MIB1: variants seen among roughly 807,000 people sequenced by gnomAD.
MIB1 encodes E3 ubiquitin-protein ligase MIB1.
A neutral mutation model predicts 124.5 loss-of-function variants in MIB1; 278 were observed. The observed-to-expected ratio is 2.23, with a 90% CI of 2.02 to 2.47. The LOEUF is 2.47. Among genes scored for constraint, MIB1 ranks in the 30% most tolerant of loss-of-function variants. MIB1 has a pLI of 0.00. For synonymous variants in MIB1, 446 were observed against 429.4 expected, an observed-to-expected ratio of 1.04 and a Z score of -0.48; for missense variants, 957 against 1,254.4, an observed-to-expected ratio of 0.76 and a Z score of 3.58.
At chr18:21,799,481 A>G (rs1452455656) in intron 8 of MIB1, among the ~76,000 whole-genome samples, 1 of 152,088 alleles carries the variant, frequency 6.6e-6, no homozygotes, top group Non-Finnish European at 1.5e-5. Flanking sequence ...GAGTCACTGT[A>G]GTGTCCTTAA....
intron 13 of MIB1, among the ~76,000 whole-genome samples, chr18:21,840,402 C>G (rs1259270773): frequency 4.0e-5 from 6 of 151,402 alleles, no homozygotes; most frequent in Admixed American, 3.9e-4. Context: ...ATCCGTATAC[C>G]AAAAACAAAA....
chr18:21,783,002 C>A (rs2041388051), intron 6 of MIB1, among the ~76,000 whole-genome samples: 1 of 152,024 alleles, frequency 6.6e-6, no homozygotes, highest in East Asian at 1.9e-4. Flanking sequence ...CTGAATTGAC[C>A]ACTTTATTAT....
chr18:21,770,500 A>ATG (rs1395758510), intron 3 of MIB1, among the ~76,000 whole-genome samples: 1 of 152,030 alleles, frequency 6.6e-6, no homozygotes, highest in Non-Finnish European at 1.5e-5. Flanking sequence ...TCTAATATAT[A>ATG]TTAGAGATGG....
At position 21,804,020 on chromosome 18, in the gene MIB1, T is replaced by C. The variant is rs767584541; in HGVS notation, c.1479+6T>C. On this transcript the variant is annotated splice_donor_region_variant and intron_variant, in intron 10 of 20. Transcript: ENST00000261537. The stretch of plus-strand genomic sequence containing the variant: ...ACGTGGATGTCGAAGCAGAGGTAAG[T>C]AAACTTGAAAAATATTTTAAGTAAA... 1 of 1,588,402 alleles carries C rather than the reference T, an allele frequency of 6.3e-7. No individual in the cohort carries two copies. The highest frequency in any genetic ancestry group is 1.7e-5 in the Admixed American group (1 of 59,970).
At chr18:21,860,096 G>GTTTTT (rs1568230537) in intron 20 of MIB1, among the ~76,000 whole-genome samples, 11 of 53,306 alleles carry the variant, frequency 2.1e-4, no homozygotes, top group African/African-American at 3.4e-4. Flanking sequence ...TGTTCTTTAT[G>GTTTTT]TCTTTTTTTT....
chr18:21,815,844 G>T (rs111382385), intron 11 of MIB1, 31 bp downstream of exon 11: 3 of 1,575,924 alleles, frequency 1.9e-6, no homozygotes, highest in Non-Finnish European at 2.6e-6. Context: ...CATCCTGCAG[G>T]TATTGCTAGG....
intron 1 of MIB1, among the ~76,000 whole-genome samples, chr18:21,748,577 G>C (rs112296284): frequency 6.6e-6 from 1 of 151,080 alleles, no homozygotes; most frequent in Non-Finnish European, 1.5e-5. Flanking sequence ...CTACAGGTGC[G>C]CACCACCATG....
chr18:21,837,400 C>T (rs1047462360), intron 12 of MIB1, among the ~76,000 whole-genome samples: 11 of 152,096 alleles, frequency 7.2e-5, no homozygotes, highest in African/African-American at 2.7e-4. Context: ...CCCAGCTACT[C>T]GGGAGGCTGA....
chr18:21,819,635 G>T lies in MIB1; in HGVS notation c.1818G>T (p.Arg606Ser). 1.3e-6 allele frequency: 2 copies of T among 1,552,230 alleles called. No individual in the cohort carries two copies. The highest frequency in any genetic ancestry group is 1.3e-5 in the South Asian group (1 of 77,412). ...ATGCTCTGCATCATGCTGCACTAAG[G>T]GGAAATCCCAGGTATGTCACCCCTT... ...GFNALHHAALRGNPSAMRVLL... is the reference protein window; with the variant it reads ...GFNALHHAALSGNPSAMRVLL... The change falls in exon 12 of 21, where the codon AGG becomes AGT. Residue 606 changes from arginine (R) to serine (S), a missense_variant. Physicochemically the swap from Arg to Ser is moderately radical, Grantham distance 110. Coordinates refer to ENST00000261537, the MANE Select transcript of MIB1 (RefSeq NM_020774.4).
chr18:21,806,100 G>T (rs1333734126), intron 10 of MIB1, among the ~76,000 whole-genome samples: 1 of 151,312 alleles, frequency 6.6e-6, no homozygotes, highest in African/African-American at 2.4e-5. Context: ...TTGGGGTTTC[G>T]CCATGTTGGC....
At chr18:21,809,891 C>T (rs1397900678) in intron 10 of MIB1, among the ~76,000 whole-genome samples, 1 of 151,884 alleles carries the variant, frequency 6.6e-6, no homozygotes, top group African/African-American at 2.4e-5. Flanking sequence ...GAAGTGCTGA[C>T]CAGAGCAATT....
intron 1 of MIB1, among the ~76,000 whole-genome samples, chr18:21,706,528 C>T (rs1268910319): frequency 2.0e-5 from 3 of 152,104 alleles, no homozygotes; most frequent in African/African-American, 4.8e-5. Flanking sequence ...GAGGCGTGGG[C>T]GGGAACCGGG....
rs571639257 is a variant in MIB1 at position 21,818,059 on chromosome 18, A to C, written c.1678-1436A>C. On this transcript the variant is annotated intron_variant, in intron 11 of 20. Coordinates refer to ENST00000261537, the MANE Select transcript of MIB1 (RefSeq NM_020774.4). ...AGTAGTCAGCTTGAAAAAATGGTAG[A>C]CTGAGATTGCTAAATTTTAATTTAC... Among the ~76,000 whole-genome samples, 4 of 152,276 alleles carry C rather than the reference A, an allele frequency of 2.6e-5. No homozygotes were observed. In the East Asian group the frequency reaches 7.7e-4, roughly 29 times the overall value.
intron 3 of MIB1, among the ~76,000 whole-genome samples, chr18:21,769,715 T>C (rs903713498): frequency 2.0e-5 from 3 of 152,200 alleles, no homozygotes; most frequent in Non-Finnish European, 2.9e-5. Flanking sequence ...TAGTTAATTA[T>C]ATGGTCAGAG....
chr18:21,857,107 G>A lies in MIB1; in HGVS notation c.2666-23G>A, dbSNP rs542115466. The A allele has an allele frequency of 4.0e-6, 6 of 1,499,236 alleles. No homozygotes were observed. The Admixed American group carries it at 1.0e-4, about 25-fold the overall frequency. The allele number at this position is 1,499,236 out of a possible 1,614,324, so 92.9% of individuals were successfully genotyped here. Reference sequence around the variant, plus strand: ...CTATTAATGTTCTCTCTTGTAAGAAGTGTCTGTGTTACCGTTTTCCAGACT... The same window carrying A: ...CTATTAATGTTCTCTCTTGTAAGAAATGTCTGTGTTACCGTTTTCCAGACT... On this transcript the variant is annotated intron_variant, in intron 18 of 20. Transcript: ENST00000261537.
chr18:21,833,473 T>C (rs2042001577), intron 12 of MIB1, among the ~76,000 whole-genome samples: 1 of 152,218 alleles, frequency 6.6e-6, no homozygotes, highest in Non-Finnish European at 1.5e-5. Context: ...TTGACTAATC[T>C]ACATTACCGA....
At chr18:21,753,658 G>A (rs1200803321) in intron 1 of MIB1, among the ~76,000 whole-genome samples, 2 of 151,922 alleles carry the variant, frequency 1.3e-5, no homozygotes, top group African/African-American at 2.4e-5. Context: ...CCTAATAAAA[G>A]GAGTGCATTT....
At chr18:21,843,997 A>C in intron 14 of MIB1, 95 bp from the exon 15 acceptor site, 1 of 1,120,974 alleles carries the variant, frequency 8.9e-7, no homozygotes, top group Non-Finnish European at 1.2e-6. Context: ...TAACTTCTTC[A>C]GTAGGTCCAG....
At chr18:21,805,706 C>T (rs1478601089) in intron 10 of MIB1, among the ~76,000 whole-genome samples, 1 of 85,132 alleles carries the variant, frequency 1.2e-5, no homozygotes, top group East Asian at 3.4e-4. Context: ...AACCACATTT[C>T]TTTTTGCCTA....
Sources: gnomAD v4.1 joint callset for allele counts (sites outside exome capture counted in the v4.1 genomes callset) on GRCh38, gnomAD v4.1.1 for gene constraint, MANE v1.5 for transcripts, NCBI Gene and HGNC (gene_info 2026-07-23, HGNC 2026-07-21) for gene names.